SVIL: variants seen among roughly 807,000 people sequenced by gnomAD.
The protein encoded by SVIL is archvillin.
A neutral mutation model predicts 240.4 loss-of-function variants in SVIL; 101 were observed. The ratio of observed to expected loss-of-function variants is 0.42; its 90% confidence interval spans 0.36 to 0.50. The LOEUF (loss-of-function observed/expected upper bound fraction) is 0.50, where lower values mean the gene tolerates loss of function less well. Among genes scored for constraint, SVIL ranks in the 20% least tolerant of loss-of-function variants. The pLI, the probability that SVIL is intolerant of heterozygous loss-of-function variation, is 0.01. For synonymous variants in SVIL, 999 were observed against 1,100.0 expected (o/e 0.91, Z 1.82); for missense variants, 2,512 against 2,818.7 (o/e 0.89, Z 2.46).
Position 29,620,121 on chromosome 10 carries a change from T to C in SVIL, c.-201+14299A>G, listed in dbSNP as rs76501867. Among the ~76,000 whole-genome samples the C allele has an allele frequency of 4.8e-4, 73 of 152,298 alleles. 1 individual carries two copies. The East Asian group carries it at 0.014, about 29-fold the overall frequency. On this transcript the variant is annotated intron_variant, in intron 1 of 37. Coordinates refer to ENST00000355867, the MANE Select transcript of SVIL (RefSeq NM_021738.3). The stretch of plus-strand genomic sequence containing the variant: ...CATCAGAACCGTGTAAATGGAGACA[T>C]ATTATGTATATACTATGCATGTTTT...
intron 17 of SVIL, among the ~76,000 whole-genome samples, chr10:29,506,839 G>C (rs1489005632): frequency 1.3e-5 from 2 of 149,262 alleles, no homozygotes; most frequent in African/African-American, 2.5e-5. Context: ...GAGGCCCTAG[G>C]AGGGAAGGGA....
intron 1 of SVIL, among the ~76,000 whole-genome samples, chr10:29,569,805 C>A: frequency 6.6e-6 from 1 of 152,158 alleles, no homozygotes; most frequent in Non-Finnish European, 1.5e-5. Context: ...TCATTAAAAT[C>A]TACACAATAA....
intron 3 of SVIL, among the ~76,000 whole-genome samples, chr10:29,649,191 G>T (rs915429428): frequency 1.3e-5 from 2 of 152,008 alleles, no homozygotes; most frequent in Non-Finnish European, 2.9e-5. Context: ...TTTCTTTTAA[G>T]CCAGAAATTT....
intron 2 of SVIL, among the ~76,000 whole-genome samples, chr10:29,678,971 T>A (rs1960413704): frequency 6.6e-6 from 1 of 152,164 alleles, no homozygotes; most frequent in Non-Finnish European, 1.5e-5. Context: ...TTTGGGAAGC[T>A]GAGGTAGGTG....
upstream of SVIL, among the ~76,000 whole-genome samples, chr10:29,635,890 C>T (rs868464961): frequency 1.3e-5 from 2 of 152,128 alleles, no homozygotes; most frequent in Non-Finnish European, 2.9e-5. Flanking sequence ...TGGTATGCCT[C>T]TGGGTGTCAG....
intron 5 of SVIL, among the ~76,000 whole-genome samples, chr10:29,552,532 C>T (rs1324961096): frequency 1.4e-5 from 2 of 145,338 alleles, no homozygotes. Context: ...CACTGCCCTC[C>T]AGCCTGGGCA....
chr10:29,550,215 T>C (rs1354399022), intron 6 of SVIL, among the ~76,000 whole-genome samples: 1 of 151,290 alleles, frequency 6.6e-6, no homozygotes, highest in Non-Finnish European at 1.5e-5. Context: ...AACAAGAGAA[T>C]CTCTTGTGGC....
At chr10:29,492,361 G>A (rs1948042616) in intron 21 of SVIL, among the ~76,000 whole-genome samples, 1 of 152,064 alleles carries the variant, frequency 6.6e-6, no homozygotes, top group African/African-American at 2.4e-5. Flanking sequence ...CAGAGCTGGG[G>A]TGTCCATCTG....
chr10:29,509,474 G>T (rs1949666787), intron 17 of SVIL, among the ~76,000 whole-genome samples: 1 of 152,142 alleles, frequency 6.6e-6, no homozygotes, highest in African/African-American at 2.4e-5. Flanking sequence ...ATTTTGGGGG[G>T]AGGGTGTGTA....
At position 29,499,079 on chromosome 10, in the gene SVIL, G is replaced by A. The variant is rs368244340; in HGVS notation, c.3664+37C>T. The A allele has an allele frequency of 5.0e-6, 8 of 1,596,336 alleles. No homozygotes were observed. The African/African-American group carries it at 1.2e-4, about 24-fold the overall frequency. On this transcript the variant is annotated intron_variant, in intron 18 of 37. Coordinates refer to ENST00000355867, the MANE Select transcript of SVIL (RefSeq NM_021738.3). The stretch of plus-strand genomic sequence containing the variant: ...GTAAGTGTGCTCACGTGTGTGCATT[G>A]TGCACACACCACACACATGGACACA...
At chr10:29,538,078 G>C (rs1006380691) in intron 6 of SVIL, among the ~76,000 whole-genome samples, 1 of 152,208 alleles carries the variant, frequency 6.6e-6, no homozygotes, top group South Asian at 2.1e-4. Context: ...GCCAGCAGAC[G>C]CCTGCTGTTG....
intron 17 of SVIL, 88 bp from the exon 18 acceptor site, chr10:29,499,351 G>A: frequency 6.5e-7 from 1 of 1,548,336 alleles, no homozygotes. Flanking sequence ...AGTGAAAAAA[G>A]CAGGTTGACA....
chr10:29,608,340 G>A (rs1589377760), intron 1 of SVIL, among the ~76,000 whole-genome samples: 2 of 152,374 alleles, frequency 1.3e-5, no homozygotes, highest in Non-Finnish European at 2.9e-5. Flanking sequence ...ATCTGGGGTG[G>A]CTGCTGTGAG....
In SVIL at chr10:29,493,339, C is replaced by T. The variant is rs1161176849; in HGVS notation, c.3894G>A (p.Glu1298=). Residue 1298 remains glutamate (E), a synonymous_variant, in exon 21 of 38, where the codon GAG becomes GAA. Coordinates refer to ENST00000355867, the MANE Select transcript of SVIL (RefSeq NM_021738.3). ...VLTVTGKSVK[E]VMKPDDDETF... ...TTTCATCATCATCTGGCTTCATCACCTCCTTCACAGATTTGCCGGTGACAG... is the reference window on the plus strand; with the variant it reads ...TTTCATCATCATCTGGCTTCATCACTTCCTTCACAGATTTGCCGGTGACAG... The T allele has an allele frequency of 1.9e-6, 3 of 1,614,054 alleles. No individual in the cohort carries two copies. Among genetic ancestry groups the T allele is most frequent in the Admixed American group, 3.3e-5 (2 of 59,996 alleles).
At chr10:29,597,623 C>T (rs764319189) in intron 1 of SVIL, among the ~76,000 whole-genome samples, 2 of 151,994 alleles carry the variant, frequency 1.3e-5, no homozygotes, top group Non-Finnish European at 2.9e-5. Context: ...TGGTCTCGAA[C>T]TCCTGACCTC....
chr10:29,541,809 A>C (rs550470345), intron 6 of SVIL, among the ~76,000 whole-genome samples: 26 of 150,972 alleles, frequency 1.7e-4, no homozygotes, highest in Admixed American at 6.6e-5. Context: ...GGGGCTGTGG[A>C]CTCAGTTCAC....
At chr10:29,573,238 A>T (rs1032150131) in intron 1 of SVIL, among the ~76,000 whole-genome samples, 1 of 152,104 alleles carries the variant, frequency 6.6e-6, no homozygotes, top group African/African-American at 2.4e-5. Flanking sequence ...ATAAAATTCC[A>T]GTACACATTT....
At chr10:29,529,572 C>T in intron 12 of SVIL, 133 bp downstream of exon 12, 1 of 1,067,404 alleles carries the variant, frequency 9.4e-7, no homozygotes, top group Non-Finnish European at 1.3e-6. Context: ...AACAAAATCC[C>T]TTAGTACTAA....
chr10:29,481,458 A>G (rs1946841446), intron 28 of SVIL, 126 bp downstream of exon 28: 1 of 1,266,308 alleles, frequency 7.9e-7, no homozygotes, highest in Non-Finnish European at 1.1e-6. Flanking sequence ...TGTTCTCACC[A>G]CAAAGAAATG....
Sources: allele counts gnomAD v4.1 joint callset (sites outside exome capture counted in the v4.1 genomes callset), GRCh38; gene constraint gnomAD v4.1.1; transcripts MANE v1.5; gene names NCBI Gene and HGNC (gene_info 2026-07-23, HGNC 2026-07-21).